The following NDST4 variants were observed in gnomAD, a reference collection of about 807,000 sequenced individuals.
NDST4 encodes N-heparan sulfate sulfotransferase 4.
In NDST4, 63 loss-of-function variants were observed where a neutral mutation model predicts 100.8. That is an observed-to-expected ratio of 0.62 (90% CI 0.51 to 0.77). The LOEUF is 0.77. NDST4 is among the 30% of genes least tolerant of loss of function. The pLI, the probability that NDST4 is intolerant of heterozygous loss-of-function variation, is 0.00. For missense variants in NDST4, 943 were observed against 1,018.4 expected (o/e 0.93, Z 1.01); for synonymous variants, 377 against 361.8 (o/e 1.04, Z -0.48).
At chr4:115,092,217 C>T (rs1000170158) in intron 1 of NDST4, among the ~76,000 whole-genome samples, 3 of 151,954 alleles carry the variant, frequency 2.0e-5, no homozygotes, top group Non-Finnish European at 2.9e-5. Context: ...AGGTGAAGAC[C>T]CCCAACCTAA....
intron 1 of NDST4, among the ~76,000 whole-genome samples, chr4:115,080,592 T>C (rs1729280251): frequency 6.6e-6 from 1 of 152,152 alleles, no homozygotes; most frequent in Non-Finnish European, 1.5e-5. Context: ...AGCAATTATA[T>C]TATATCCTCT....
intron 1 of NDST4, among the ~76,000 whole-genome samples, chr4:115,095,135 C>A (rs536146747): frequency 6.6e-6 from 1 of 152,146 alleles, no homozygotes; most frequent in East Asian, 1.9e-4. Flanking sequence ...AGGTATTGGG[C>A]TCCTCAGGTC....
chr4:114,865,306 G>T (rs1408146097), intron 7 of NDST4, among the ~76,000 whole-genome samples: 1 of 151,978 alleles, frequency 6.6e-6, no homozygotes, highest in East Asian at 1.9e-4. Flanking sequence ...TTTGTGATCT[G>T]CCTGCCTCGG....
At chr4:114,987,091 A>G (rs1726931528) in intron 2 of NDST4, among the ~76,000 whole-genome samples, 1 of 151,928 alleles carries the variant, frequency 6.6e-6, no homozygotes, top group Non-Finnish European at 1.5e-5. Flanking sequence ...AAAATAGCGG[A>G]ATGAATCTTT....
At chr4:114,889,746 C>T (rs1724554370) in intron 6 of NDST4, among the ~76,000 whole-genome samples, 1 of 152,136 alleles carries the variant, frequency 6.6e-6, no homozygotes, top group Non-Finnish European at 1.5e-5. Flanking sequence ...AGAAAAAGCA[C>T]AGAGCTTAAT....
chr4:114,916,510 C>G (rs780796058), intron 6 of NDST4, among the ~76,000 whole-genome samples: 6 of 148,184 alleles, frequency 4.0e-5, no homozygotes, highest in Non-Finnish European at 8.9e-5. Flanking sequence ...CTGTCTAGTT[C>G]AGATGTCACA....
intron 2 of NDST4, among the ~76,000 whole-genome samples, chr4:115,040,964 T>C (rs1412823601): frequency 6.6e-6 from 1 of 152,092 alleles, no homozygotes; most frequent in African/African-American, 2.4e-5. Flanking sequence ...TGAAAATTAA[T>C]AGGTAAAAAG....
At chr4:114,851,992 A>G (rs1473323015) in intron 8 of NDST4, among the ~76,000 whole-genome samples, 1 of 152,164 alleles carries the variant, frequency 6.6e-6, no homozygotes, top group Non-Finnish European at 1.5e-5. Flanking sequence ...AAAGTAGTGA[A>G]TTCAAAATAC....
chr4:114,921,065 T>C (rs1359952389), intron 6 of NDST4, among the ~76,000 whole-genome samples: 2 of 152,158 alleles, frequency 1.3e-5, no homozygotes, highest in African/African-American at 2.4e-5. Flanking sequence ...CAGTCAGTGT[T>C]GAAGATAAAC....
chr4:114,853,041 A>G (rs1167947004), intron 7 of NDST4, among the ~76,000 whole-genome samples: 2 of 152,076 alleles, frequency 1.3e-5, no homozygotes, highest in East Asian at 3.9e-4. Context: ...TCCTGTTGTT[A>G]TCATCTTTCA....
intron 2 of NDST4, among the ~76,000 whole-genome samples, chr4:114,995,610 C>T (rs1161485004): frequency 6.6e-6 from 1 of 152,014 alleles, no homozygotes; most frequent in African/African-American, 2.4e-5. Flanking sequence ...TTAAACAATC[C>T]TGATACTTCT....
At chr4:115,045,964 T>G (rs750801360) in intron 2 of NDST4, among the ~76,000 whole-genome samples, 1 of 152,154 alleles carries the variant, frequency 6.6e-6, no homozygotes, top group Non-Finnish European at 1.5e-5. Context: ...CTCAATCATA[T>G]TTACCGGAAG....
At chr4:114,923,940 G>GA (rs555012319) in intron 6 of NDST4, among the ~76,000 whole-genome samples, 13 of 150,180 alleles carry the variant, frequency 8.7e-5, no homozygotes, top group South Asian at 4.2e-4. Flanking sequence ...AAACAAAATT[G>GA]AAAAAAAATG....
chr4:115,093,257 T>C lies in NDST4; in HGVS notation c.-246-15975A>G, dbSNP rs182380303. Reference sequence around the variant, plus strand: ...TTGGGAGGCCAAGGTGGGCAGATCATGAGGTCAGGAGATCGAGACTATCCT... The same window carrying C: ...TTGGGAGGCCAAGGTGGGCAGATCACGAGGTCAGGAGATCGAGACTATCCT... On this transcript the variant is annotated intron_variant, in intron 1 of 13. Coordinates refer to ENST00000264363, the MANE Select transcript of NDST4 (RefSeq NM_022569.3). Among the ~76,000 whole-genome samples the C allele has an allele frequency of 3.8e-3, 580 of 152,202 alleles. 2 individuals are homozygous for C. The highest frequency in any genetic ancestry group is 0.016 in the South Asian group (79 of 4,824).
intron 6 of NDST4, among the ~76,000 whole-genome samples, chr4:114,886,355 T>A (rs1392092630): frequency 6.6e-6 from 1 of 152,124 alleles, no homozygotes; most frequent in Middle Eastern, 3.2e-3. Flanking sequence ...TGGAACTGAG[T>A]GTACTTCAAA....
intron 6 of NDST4, among the ~76,000 whole-genome samples, chr4:114,883,228 T>C (rs1724408525): frequency 6.6e-6 from 1 of 152,054 alleles, no homozygotes; most frequent in Admixed American, 6.6e-5. Context: ...GATAACTGTA[T>C]ACAGCAATAA....
rs139802692 is a variant in NDST4 at position 114,828,157 on chromosome 4, G to A, written c.2500-222C>T. Among the ~76,000 whole-genome samples the A allele has an allele frequency of 3.6e-4, 55 of 152,130 alleles. No homozygotes were observed. The East Asian group carries it at 8.7e-3, about 24-fold the overall frequency. ...TAGGACCAAGTATATCCTATATGGC[G>A]TATCTGTCATTACGGCACATATTTA... On this transcript the variant is annotated intron_variant, in intron 13 of 13. Transcript: ENST00000264363.
chr4:114,939,334 G>A lies in NDST4; in HGVS notation c.1222-1831C>T, dbSNP rs572384625. ...ATGTGCCTAGAGAGGTGCTCCTGAT[G>A]TACAGGAAAAGGGAATCAACCTGTT... On this transcript the variant is annotated intron_variant, in intron 4 of 13. Transcript: ENST00000264363. Among the ~76,000 whole-genome samples, 13 of 152,234 alleles carry A rather than the reference G, an allele frequency of 8.5e-5. No individual in the cohort carries two copies. The South Asian group carries it at 2.7e-3, about 32-fold the overall frequency.
intron 4 of NDST4, among the ~76,000 whole-genome samples, chr4:114,942,333 CAGAT>C (rs1725767926): frequency 1.3e-5 from 2 of 152,064 alleles, no homozygotes; most frequent in Non-Finnish European, 1.5e-5. Flanking sequence ...TTGTGGAAAT[CAGAT>C]AGAAGTGTCT....
Sources: allele counts gnomAD v4.1 joint callset (sites outside exome capture counted in the v4.1 genomes callset), GRCh38; gene constraint gnomAD v4.1.1; transcripts MANE v1.5; gene names NCBI Gene and HGNC (gene_info 2026-07-23, HGNC 2026-07-21).